ADAMTSL3: variants seen among roughly 807,000 people sequenced by gnomAD.
The protein encoded by ADAMTSL3 is ADAMTS like 3, also known as ADAMTS-like protein 3.
Under a neutral mutation model 201.7 loss-of-function variants are expected in ADAMTSL3, and 128 were observed. The ratio of observed to expected loss-of-function variants is 0.63; its 90% confidence interval spans 0.55 to 0.73. The LOEUF (loss-of-function observed/expected upper bound fraction) is 0.73. ADAMTSL3 is among the 30% of genes least tolerant of loss of function. The probability of loss-of-function intolerance (pLI) is 0.00; values close to 1 mark genes in which losing one functional copy is unlikely to be tolerated. For synonymous variants in ADAMTSL3, 738 were observed against 748.4 expected, an observed-to-expected ratio of 0.99 and a Z score of 0.23; for missense variants, 1,990 against 2,119.6, an observed-to-expected ratio of 0.94 and a Z score of 1.20.
intron 3 of ADAMTSL3, among the ~76,000 whole-genome samples, chr15:83,762,921 C>G (rs1452041366): frequency 6.7e-6 from 1 of 150,168 alleles, no homozygotes; most frequent in Non-Finnish European, 1.5e-5. Context: ...GAGTCTCACT[C>G]TGTCACCCAG....
intron 3 of ADAMTSL3, among the ~76,000 whole-genome samples, chr15:83,728,699 T>C (rs758835674): frequency 2.6e-5 from 4 of 152,070 alleles, no homozygotes; most frequent in Non-Finnish European, 5.9e-5. Flanking sequence ...CATCTTATTA[T>C]ACTGTCTATG....
intron 2 of ADAMTSL3, among the ~76,000 whole-genome samples, chr15:83,678,956 A>G (rs2061443363): frequency 6.7e-6 from 1 of 149,526 alleles, no homozygotes; most frequent in Non-Finnish European, 1.5e-5. Context: ...TTGTTCTGTG[A>G]TAGTGAAAGT....
At chr15:83,788,356 C>A (rs1013859470) in intron 4 of ADAMTSL3, among the ~76,000 whole-genome samples, 2 of 152,150 alleles carry the variant, frequency 1.3e-5, no homozygotes, top group Non-Finnish European at 2.9e-5. Context: ...TTACTTCTTT[C>A]CTGTGTTAGA....
chr15:83,830,375 G>A (rs1290175774), intron 6 of ADAMTSL3, among the ~76,000 whole-genome samples: 1 of 152,180 alleles, frequency 6.6e-6, no homozygotes, highest in Admixed American at 6.5e-5. Flanking sequence ...AGCACAGGGA[G>A]AGGTGCCCCT....
intron 5 of ADAMTSL3, among the ~76,000 whole-genome samples, chr15:83,805,989 C>G (rs1036960934): frequency 6.6e-6 from 1 of 152,152 alleles, no homozygotes; most frequent in African/African-American, 2.4e-5. Context: ...CTGGAGTTCC[C>G]ACAGCTGCAT....
intron 8 of ADAMTSL3, among the ~76,000 whole-genome samples, chr15:83,860,255 A>G (rs1184986545): frequency 1.3e-5 from 2 of 152,200 alleles, no homozygotes; most frequent in African/African-American, 4.8e-5. Flanking sequence ...AAGATTTGGG[A>G]ATGTTCTGGA....
intron 6 of ADAMTSL3, among the ~76,000 whole-genome samples, chr15:83,826,034 G>T (rs1036185017): frequency 4.6e-5 from 7 of 152,228 alleles, no homozygotes; most frequent in African/African-American, 1.7e-4. Flanking sequence ...AGAAGGTCAA[G>T]TATGGGATAA....
rs776322493 is a variant in ADAMTSL3 at position 83,924,043 on chromosome 15, G to A, written c.2117+10G>A. 1 of 1,613,906 alleles carries A rather than the reference G, an allele frequency of 6.2e-7. No homozygotes were observed. Among genetic ancestry groups the A allele is most frequent in the Non-Finnish European group, 8.5e-7 (1 of 1,179,888 alleles). On this transcript the variant is annotated intron_variant, in intron 17 of 29. Coordinates refer to ENST00000286744, the MANE Select transcript of ADAMTSL3 (RefSeq NM_207517.3). ...AGCCCTGTCCCCCCAGGTATGTGCT[G>A]TCTTGTGTTCCTGGTATATACCGTG...
rs949028813 is a variant in ADAMTSL3 at position 83,942,664 on chromosome 15, A to G, written c.2186A>G (p.Tyr729Cys). The G allele has an allele frequency of 6.2e-7, 1 of 1,614,112 alleles. No individual in the cohort carries two copies. Among genetic ancestry groups the G allele is most frequent in the Non-Finnish European group, 8.5e-7 (1 of 1,179,998 alleles). The change falls in exon 18 of 30, where the codon TAC becomes TGC. Residue 729 changes from tyrosine to cysteine, a missense_variant. By Grantham distance (194) the Tyr-to-Cys change is radical. Transcript: ENST00000286744. Reference sequence around the variant, plus strand: ...GTTGGAATTCAGACCCGAGATGTGTACTGCCTGCACCCAGGGGAGACCCCT... The same window carrying G: ...GTTGGAATTCAGACCCGAGATGTGTGCTGCCTGCACCCAGGGGAGACCCCT... ...CGVGIQTRDVYCLHPGETPAP... is the reference protein window; with the variant it reads ...CGVGIQTRDVCCLHPGETPAP...
chr15:83,780,696 C>T (rs1029667444), intron 4 of ADAMTSL3, among the ~76,000 whole-genome samples: 3 of 152,112 alleles, frequency 2.0e-5, no homozygotes, highest in Non-Finnish European at 4.4e-5. Context: ...GATGACATAT[C>T]CTATATCTGG....
At chr15:83,838,409 G>C (rs889631837) in intron 7 of ADAMTSL3, among the ~76,000 whole-genome samples, 194 bp downstream of exon 7, 6 of 152,108 alleles carry the variant, frequency 3.9e-5, no homozygotes, top group African/African-American at 1.4e-4. Flanking sequence ...AAGAGGACCC[G>C]TTTTCTTTGA....
intron 7 of ADAMTSL3, among the ~76,000 whole-genome samples, chr15:83,848,590 T>C (rs1280966461): frequency 6.6e-6 from 1 of 152,120 alleles, no homozygotes; most frequent in African/African-American, 2.4e-5. Context: ...GTGTGATGAG[T>C]GAATTTGAGT....
At chr15:84,028,790 A>G (rs1175231804) in intron 27 of ADAMTSL3, among the ~76,000 whole-genome samples, 1 of 152,168 alleles carries the variant, frequency 6.6e-6, no homozygotes, top group Non-Finnish European at 1.5e-5. Flanking sequence ...ATATCCCCAC[A>G]TGTCAAGGGA....
At chr15:83,809,279 G>T (rs1380326860) in intron 5 of ADAMTSL3, among the ~76,000 whole-genome samples, 1 of 152,182 alleles carries the variant, frequency 6.6e-6, no homozygotes, top group Non-Finnish European at 1.5e-5. Flanking sequence ...GAGCCCTAAG[G>T]AGTTGAAAGA....
chr15:83,891,678 G>A (rs1041719004), intron 12 of ADAMTSL3, among the ~76,000 whole-genome samples: 3 of 152,104 alleles, frequency 2.0e-5, no homozygotes, highest in African/African-American at 7.2e-5. Flanking sequence ...CTTTTATACC[G>A]AGATGAGTAG....
intron 3 of ADAMTSL3, among the ~76,000 whole-genome samples, chr15:83,716,458 T>G (rs1302629128): frequency 1.4e-5 from 2 of 143,760 alleles, no homozygotes; most frequent in African/African-American, 5.2e-5. Flanking sequence ...AGGTTTGCAG[T>G]GAGCCGAGAG....
intron 22 of ADAMTSL3, among the ~76,000 whole-genome samples, chr15:83,989,144 A>T (rs1009847970): frequency 6.6e-6 from 1 of 152,156 alleles, no homozygotes; most frequent in African/African-American, 2.4e-5. Flanking sequence ...GGCCTCCCAG[A>T]GTGCTGGGAT....
At position 83,655,415 on chromosome 15, in the gene ADAMTSL3, A is replaced by G. The variant is rs1186230511; in HGVS notation, c.-33-314A>G. On this transcript the variant is annotated intron_variant, in intron 1 of 29. Transcript: ENST00000286744. ...ACCTTGGCTCTGTGCTGGCTTCCTG[A>G]GTCAAATGCCAATAGCGACACCCTG... is the stretch of plus-strand genomic sequence containing the variant. Among the ~76,000 whole-genome samples the G allele has an allele frequency of 2.1e-4, 32 of 152,124 alleles. 1 individual carries two copies. The highest frequency in any genetic ancestry group is 2.1e-3 in the Admixed American group (32 of 15,274).
Position 83,773,457 on chromosome 15 carries a change from T to C in ADAMTSL3, c.190-66T>C, listed in dbSNP as rs149249898. On this transcript the variant is annotated intron_variant, in intron 3 of 29. Transcript: ENST00000286744. ...ATAACTGGGGAAGATTTGGGATATT[T>C]CTACCACATTTGCCTATACTTTATT... 4.2e-4 allele frequency: 657 copies of C among 1,546,828 alleles called. 6 individuals carry two copies. In the East Asian group the frequency reaches 0.012, roughly 28 times the overall value.
Sources: allele counts gnomAD v4.1 joint callset (sites outside exome capture counted in the v4.1 genomes callset), GRCh38; gene constraint gnomAD v4.1.1; transcripts MANE v1.5; gene names NCBI Gene and HGNC (gene_info 2026-07-23, HGNC 2026-07-21).